Variants in B3GALT1 observed in about 807,000 individuals in gnomAD.
B3GALT1 encodes beta-1,3-galactosyltransferase 1.
A neutral mutation model predicts 23.2 loss-of-function variants in B3GALT1; 10 were observed. The observed-to-expected ratio is 0.43, with a 90% CI of 0.27 to 0.73. The LOEUF (loss-of-function observed/expected upper bound fraction) is 0.73. Among genes scored for constraint, B3GALT1 ranks in the 30% least tolerant of loss-of-function variants. The pLI, the probability that B3GALT1 is intolerant of heterozygous loss-of-function variation, is 0.21. For synonymous variants in B3GALT1, 156 were observed against 141.5 expected (o/e 1.10, Z -0.73); for missense variants, 299 against 405.4 (o/e 0.74, Z 2.25).
chr2:167,403,338 C>T (rs1698224218), intron 1 of B3GALT1, among the ~76,000 whole-genome samples: 1 of 151,996 alleles, frequency 6.6e-6, no homozygotes, highest in Admixed American at 6.6e-5. Context: ...CATGTCCCTT[C>T]AAAGGACATG....
intron 2 of B3GALT1, among the ~76,000 whole-genome samples, chr2:167,543,023 A>G (rs181715969): frequency 3.3e-5 from 5 of 152,162 alleles, no homozygotes; most frequent in African/African-American, 1.2e-4. Flanking sequence ...ATAAGAAATT[A>G]GAGGGACTGA....
chr2:167,687,001 A>G (rs989166105), intron 3 of B3GALT1, among the ~76,000 whole-genome samples: 1 of 152,218 alleles, frequency 6.6e-6, no homozygotes, highest in African/African-American at 2.4e-5. Context: ...GTCATACAAT[A>G]CTTTTCAATA....
rs183477825 is a variant in B3GALT1 at position 167,570,344 on chromosome 2, G to C, written c.-409-76565G>C. ...AGTTATTGATTCAATTTCTGTAATA[G>C]ATATAGGTCTATTTTTTCTTGTGTG... On this transcript the variant is annotated intron_variant, in intron 2 of 4. Coordinates refer to ENST00000392690, the MANE Select transcript of B3GALT1 (RefSeq NM_020981.4). Among the ~76,000 whole-genome samples, 579 of 151,816 alleles carry C rather than the reference G, an allele frequency of 3.8e-3. 4 individuals carry two copies. The highest frequency in any genetic ancestry group is 0.013 in the African/African-American group (545 of 41,428).
At chr2:167,796,961 G>A (rs1408866094) in intron 3 of B3GALT1, among the ~76,000 whole-genome samples, 4 of 152,066 alleles carry the variant, frequency 2.6e-5, no homozygotes, top group Admixed American at 6.6e-5. Flanking sequence ...TTTTTAAATC[G>A]AGCATTTTTT....
intron 1 of B3GALT1, among the ~76,000 whole-genome samples, chr2:167,362,305 A>G (rs1425964637): frequency 6.6e-6 from 1 of 152,200 alleles, no homozygotes; most frequent in Non-Finnish European, 1.5e-5. Context: ...AATTAGTCCC[A>G]TGAAATATAT....
chr2:167,394,731 T>G (rs1698069615), intron 1 of B3GALT1, among the ~76,000 whole-genome samples: 2 of 152,118 alleles, frequency 1.3e-5, no homozygotes, highest in Non-Finnish European at 2.9e-5. Flanking sequence ...AATGAAGTGT[T>G]TTATGGGTGG....
intron 2 of B3GALT1, among the ~76,000 whole-genome samples, chr2:167,493,654 C>T (rs142481817): frequency 1.2e-3 from 176 of 152,140 alleles, no homozygotes; most frequent in Non-Finnish European, 1.8e-3. Flanking sequence ...CTATAAAAGA[C>T]GGACTCCAGT....
At chr2:167,482,275 G>A (rs1699571940) in intron 1 of B3GALT1, among the ~76,000 whole-genome samples, 1 of 151,940 alleles carries the variant, frequency 6.6e-6, no homozygotes, top group Admixed American at 6.6e-5. Flanking sequence ...TTGGCTACAC[G>A]GGGGCTTTCA....
chr2:167,692,740 C>G (rs1379545116), intron 3 of B3GALT1, among the ~76,000 whole-genome samples: 2 of 152,048 alleles, frequency 1.3e-5, no homozygotes, highest in Non-Finnish European at 2.9e-5. Flanking sequence ...AACTCCAAAT[C>G]ATGAAAATCA....
At chr2:167,851,887 A>G (rs937357014) in intron 4 of B3GALT1, among the ~76,000 whole-genome samples, 5 of 152,208 alleles carry the variant, frequency 3.3e-5, no homozygotes, top group Non-Finnish European at 7.3e-5. Context: ...GCTGTTGTGC[A>G]TCATGCCTTG....
At chr2:167,550,595 T>G (rs1435106544) in intron 2 of B3GALT1, among the ~76,000 whole-genome samples, 4 of 152,182 alleles carry the variant, frequency 2.6e-5, no homozygotes, top group African/African-American at 9.7e-5. Flanking sequence ...ATGGTAGCAT[T>G]GAATTTCCTG....
chr2:167,331,516 C>A (rs1482563128), intron 1 of B3GALT1, among the ~76,000 whole-genome samples: 1 of 152,126 alleles, frequency 6.6e-6, no homozygotes, highest in African/African-American at 2.4e-5. Flanking sequence ...GGTCCCTGGA[C>A]CTGCAGGTGG....
chr2:167,412,195 C>T (rs982427099), intron 1 of B3GALT1, among the ~76,000 whole-genome samples: 1 of 152,094 alleles, frequency 6.6e-6, no homozygotes, highest in South Asian at 2.1e-4. Flanking sequence ...TAAAATGAAT[C>T]ACAATGTCTC....
intron 1 of B3GALT1, among the ~76,000 whole-genome samples, chr2:167,361,100 A>G (rs749947427): frequency 6.6e-6 from 1 of 151,900 alleles, no homozygotes; most frequent in Non-Finnish European, 1.5e-5. Context: ...TTCTTTATCC[A>G]TTCATCCATT....
At chr2:167,529,404 A>G (rs1304366294) in intron 2 of B3GALT1, among the ~76,000 whole-genome samples, 3 of 151,674 alleles carry the variant, frequency 2.0e-5, no homozygotes, top group Non-Finnish European at 4.4e-5. Context: ...AAACCTCTAC[A>G]CTAGTGCCAC....
intron 3 of B3GALT1, among the ~76,000 whole-genome samples, chr2:167,754,420 G>A (rs932499912): frequency 1.3e-5 from 2 of 152,094 alleles, no homozygotes; most frequent in Non-Finnish European, 2.9e-5. Flanking sequence ...AGTTAGAGGA[G>A]GGCCTAGCAA....
At chr2:167,400,329 C>A (rs760853383) in intron 1 of B3GALT1, among the ~76,000 whole-genome samples, 5 of 151,920 alleles carry the variant, frequency 3.3e-5, no homozygotes, top group African/African-American at 1.2e-4. Flanking sequence ...TAATTTCTTC[C>A]CCTTTTATTT....
At chr2:167,396,421 A>G (rs1301447019) in intron 1 of B3GALT1, among the ~76,000 whole-genome samples, 2 of 151,820 alleles carry the variant, frequency 1.3e-5, no homozygotes, top group African/African-American at 4.8e-5. Context: ...ATTAAGTAGA[A>G]TAAAATCTTT....
Position 167,752,589 on chromosome 2 carries a change from C to A in B3GALT1, c.-351-66083C>A, listed in dbSNP as rs529495225. On this transcript the variant is annotated intron_variant, in intron 3 of 4. Transcript: ENST00000392690. Reference sequence around the variant, plus strand: ...TAGCATCCTCCCCCCCGCCCCTCTCCCCCCACACCCCCCTTCCCCGCTTTA... The same window carrying A: ...TAGCATCCTCCCCCCCGCCCCTCTCACCCCACACCCCCCTTCCCCGCTTTA... Among the ~76,000 whole-genome samples, 21 of 144,098 alleles carry A rather than the reference C, an allele frequency of 1.5e-4. No homozygotes were observed. The South Asian group carries it at 4.9e-3, about 34-fold the overall frequency. The allele number at this position is 144,098 out of a possible 152,430, so 94.5% of individuals were successfully genotyped here.
Sources: gnomAD v4.1 joint callset for allele counts (sites outside exome capture counted in the v4.1 genomes callset) on GRCh38, gnomAD v4.1.1 for gene constraint, MANE v1.5 for transcripts, NCBI Gene and HGNC (gene_info 2026-07-23, HGNC 2026-07-21) for gene names.